The following FSTL5 variants were observed in gnomAD, a reference collection of about 807,000 sequenced individuals.
The protein encoded by FSTL5 is follistatin like 5.
In FSTL5, 62 loss-of-function variants were observed where a neutral mutation model predicts 89.1. The observed-to-expected ratio is 0.70, with a 90% confidence interval of 0.57 to 0.86. The LOEUF (loss-of-function observed/expected upper bound fraction) is 0.86, where lower values mean the gene tolerates loss of function less well. Ranked by LOEUF, FSTL5 falls within the 40% of genes least tolerant of loss-of-function variation. FSTL5 has a pLI of 0.00. For synonymous variants in FSTL5, 383 were observed against 346.2 expected (o/e 1.11, Z -1.18); for missense variants, 1,057 against 1,001.6 (o/e 1.06, Z -0.75).
intron 15 of FSTL5, among the ~76,000 whole-genome samples, chr4:161,389,520 G>C (rs1282759894): frequency 6.6e-6 from 1 of 152,062 alleles, no homozygotes; most frequent in African/African-American, 2.4e-5. Flanking sequence ...TATGATTTAA[G>C]CTAAGATCCT....
At chr4:161,413,070 T>G (rs1731648276) in intron 15 of FSTL5, among the ~76,000 whole-genome samples, 1 of 152,054 alleles carries the variant, frequency 6.6e-6, no homozygotes, top group African/African-American at 2.4e-5. Context: ...TGGGACCTTT[T>G]TAAGCTAAAG....
intron 4 of FSTL5, among the ~76,000 whole-genome samples, chr4:161,915,925 G>T (rs1673432141): frequency 6.6e-6 from 1 of 151,804 alleles, no homozygotes; most frequent in African/African-American, 2.4e-5. Flanking sequence ...AATACATGTG[G>T]ATTAGCACAT....
intron 4 of FSTL5, among the ~76,000 whole-genome samples, chr4:161,905,641 T>C (rs1733500805): frequency 6.6e-6 from 1 of 152,132 alleles, no homozygotes; most frequent in Non-Finnish European, 1.5e-5. Flanking sequence ...TTGCCACTGA[T>C]GTTCAAAGCT....
At chr4:161,734,752 T>C (rs1184865563) in intron 6 of FSTL5, among the ~76,000 whole-genome samples, 1 of 152,144 alleles carries the variant, frequency 6.6e-6, no homozygotes, top group Non-Finnish European at 1.5e-5. Flanking sequence ...CAGGAGACAT[T>C]TGTGACCAAT....
In FSTL5 at chr4:162,061,440, G is replaced by A. The variant is rs1460553942; in HGVS notation, c.127-27782C>T. ...AGTGGATGCCTCAGACACCCAGAGTGTTGGAAATGGTATTAGGAGTATCAA... is the reference window on the plus strand; with the variant it reads ...AGTGGATGCCTCAGACACCCAGAGTATTGGAAATGGTATTAGGAGTATCAA... On this transcript the variant is annotated intron_variant, in intron 2 of 15. Transcript: ENST00000306100. 2.6e-5 allele frequency among the ~76,000 whole-genome samples: 4 copies of A among 152,254 alleles called. No homozygotes were observed. The South Asian group carries it at 6.2e-4, about 24-fold the overall frequency.
intron 7 of FSTL5, among the ~76,000 whole-genome samples, chr4:161,629,348 A>AT (rs555593366): frequency 0.026 from 3,892 of 149,742 alleles, 62 homozygotes; most frequent in South Asian, 0.051. Context: ...AAATTAGATA[A>AT]TTTTTTTTTT....
chr4:161,487,715 T>C (rs914930206), intron 12 of FSTL5, among the ~76,000 whole-genome samples: 7 of 152,168 alleles, frequency 4.6e-5, no homozygotes, highest in Non-Finnish European at 5.9e-5. Context: ...CTTTTAAGTA[T>C]GTATTTTTAA....
intron 15 of FSTL5, among the ~76,000 whole-genome samples, chr4:161,406,761 A>G (rs1731393889): frequency 6.6e-6 from 1 of 152,140 alleles, no homozygotes; most frequent in Non-Finnish European, 1.5e-5. Context: ...TTTTGTGGTT[A>G]CTATTTGCAT....
chr4:161,788,401 C>G (rs1400105091), intron 4 of FSTL5, among the ~76,000 whole-genome samples: 1 of 152,096 alleles, frequency 6.6e-6, no homozygotes, highest in Non-Finnish European at 1.5e-5. Flanking sequence ...CTTCCCATCT[C>G]CCTCCCTTCC....
At chr4:161,800,706 G>T (rs999142438) in intron 4 of FSTL5, among the ~76,000 whole-genome samples, 9 of 151,522 alleles carry the variant, frequency 5.9e-5, no homozygotes, top group Non-Finnish European at 8.9e-5. Flanking sequence ...TATTAAGGTT[G>T]AGTGATGTTT....
At chr4:161,929,000 T>A (rs546375614) in intron 3 of FSTL5, among the ~76,000 whole-genome samples, 1 of 151,830 alleles carries the variant, frequency 6.6e-6, no homozygotes, top group Non-Finnish European at 1.5e-5. Context: ...ATAGAGATCA[T>A]CTAGGAGTTT....
At chr4:161,890,145 G>T (rs1182778454) in intron 4 of FSTL5, among the ~76,000 whole-genome samples, 1 of 151,966 alleles carries the variant, frequency 6.6e-6, no homozygotes, top group Admixed American at 6.6e-5. Flanking sequence ...AGTCTATATA[G>T]CATCTTTAAA....
Position 161,950,375 on chromosome 4 carries a change from G to A in FSTL5, c.161-29723C>T, listed in dbSNP as rs145342652. Among the ~76,000 whole-genome samples the A allele has an allele frequency of 2.2e-3, 340 of 152,188 alleles. 2 individuals are homozygous for A. The highest frequency in any genetic ancestry group is 7.9e-3 in the African/African-American group (326 of 41,518). On this transcript the variant is annotated intron_variant, in intron 3 of 15. Coordinates refer to ENST00000306100, the MANE Select transcript of FSTL5 (RefSeq NM_020116.5). ...AGGTGCTTTCTTTTTCTGTTCTGCTGTCCTGAGCAATTATGCCTTTGAAGG... is the reference window on the plus strand; with the variant it reads ...AGGTGCTTTCTTTTTCTGTTCTGCTATCCTGAGCAATTATGCCTTTGAAGG...
intron 13 of FSTL5, among the ~76,000 whole-genome samples, chr4:161,470,797 T>TATTTTGTA (rs1733908792): frequency 6.6e-6 from 1 of 152,200 alleles, no homozygotes. Flanking sequence ...CCCTTGTATG[T>TATTTTGTA]CTTTCACCTT....
intron 7 of FSTL5, among the ~76,000 whole-genome samples, chr4:161,615,820 C>T (rs1285853805): frequency 6.6e-6 from 1 of 152,006 alleles, no homozygotes; most frequent in Non-Finnish European, 1.5e-5. Context: ...GTTATATTTA[C>T]ACTATTATTA....
At chr4:161,417,314 T>C (rs1409609048) in intron 15 of FSTL5, among the ~76,000 whole-genome samples, 1 of 152,242 alleles carries the variant, frequency 6.6e-6, no homozygotes, top group East Asian at 1.9e-4. Flanking sequence ...CCAATAACTC[T>C]TCCTGTTAAT....
intron 6 of FSTL5, among the ~76,000 whole-genome samples, chr4:161,706,128 C>T (rs1041419880): frequency 3.3e-5 from 5 of 150,050 alleles, no homozygotes; most frequent in Admixed American, 6.7e-5. Flanking sequence ...GAAACAATGA[C>T]GAACAAGTAA....
chr4:162,051,320 A>C (rs1738372490), intron 2 of FSTL5, among the ~76,000 whole-genome samples: 1 of 151,556 alleles, frequency 6.6e-6, no homozygotes. Flanking sequence ...ATATAAATTA[A>C]ATTGATTAAT....
Position 161,390,740 on chromosome 4 carries a change from G to A in FSTL5, c.1842-4291C>T, listed in dbSNP as rs77718551. Among the ~76,000 whole-genome samples, 916 of 151,896 alleles carry A rather than the reference G, an allele frequency of 6.0e-3. 5 individuals carry two copies. The highest frequency in any genetic ancestry group is 0.01 in the Non-Finnish European group (705 of 67,962). ...CTCATATGGTCCCAGATACATTAAA[G>A]CTCGTAAGTATAGAACTCTGGAAGA... On this transcript the variant is annotated intron_variant, in intron 15 of 15. Coordinates refer to ENST00000306100, the MANE Select transcript of FSTL5 (RefSeq NM_020116.5).
Sources: allele counts gnomAD v4.1 joint callset (sites outside exome capture counted in the v4.1 genomes callset), GRCh38; gene constraint gnomAD v4.1.1; transcripts MANE v1.5; gene names NCBI Gene and HGNC (gene_info 2026-07-23, HGNC 2026-07-21).